IPCEF1: variants seen among roughly 807,000 people sequenced by gnomAD.
IPCEF1 encodes interactor protein for cytohesin exchange factors 1.
A neutral mutation model predicts 50.9 loss-of-function variants in IPCEF1; 31 were observed. The observed-to-expected ratio is 0.61, with a 90% CI of 0.46 to 0.82. IPCEF1 has a LOEUF of 0.82. Ranked by LOEUF, IPCEF1 falls within the 40% of genes least tolerant of loss-of-function variation. IPCEF1 has a pLI of 0.00. For missense variants in IPCEF1, 458 were observed against 514.0 expected, an observed-to-expected ratio of 0.89 and a Z score of 1.05; for synonymous variants, 181 against 192.0, an observed-to-expected ratio of 0.94 and a Z score of 0.47.
intron 1 of IPCEF1, among the ~76,000 whole-genome samples, chr6:154,351,125 C>T (rs1784112659): frequency 6.6e-6 from 1 of 152,228 alleles, no homozygotes; most frequent in Non-Finnish European, 1.5e-5. Flanking sequence ...AGGCAGGACA[C>T]TCAAGTCTCC....
At chr6:154,320,308 T>C (rs1262978916) in intron 1 of IPCEF1, among the ~76,000 whole-genome samples, 1 of 152,218 alleles carries the variant, frequency 6.6e-6, no homozygotes, top group East Asian at 1.9e-4. Context: ...TTCAAAACCT[T>C]GCCTTTTTCT....
In IPCEF1 at chr6:154,154,682, T is replaced by C. The variant is rs1274935793; in HGVS notation, c.*5146A>G. The C allele has an allele frequency of 6.6e-6, 1 of 152,358 alleles. No homozygotes were observed. Among genetic ancestry groups the C allele is most frequent in the Non-Finnish European group, 1.5e-5 (1 of 68,036 alleles). The allele number at this position is 152,358 out of a possible 1,614,324, so 9.4% of individuals were successfully genotyped here. On this transcript the variant is annotated 3_prime_UTR_variant, in exon 12 of 12. Coordinates refer to ENST00000367220, the MANE Select transcript of IPCEF1 (RefSeq NM_001130700.2). The stretch of plus-strand genomic sequence containing the variant: ...AGGACAAAAATGAACACCAGTAGTA[T>C]ATTTCAACTTTTTTTTCATGTCATT...
At chr6:154,325,221 A>T (rs940457952) in intron 1 of IPCEF1, among the ~76,000 whole-genome samples, 1 of 152,240 alleles carries the variant, frequency 6.6e-6, no homozygotes, top group African/African-American at 2.4e-5. Context: ...AGTGAAAAAA[A>T]TCAAAACATA....
chr6:154,219,908 G>T (rs1038436471), intron 7 of IPCEF1, among the ~76,000 whole-genome samples: 2 of 152,198 alleles, frequency 1.3e-5, no homozygotes, highest in African/African-American at 2.4e-5. Context: ...CATCTGGAGG[G>T]TGATGCTGGG....
intron 10 of IPCEF1, among the ~76,000 whole-genome samples, chr6:154,184,643 A>G (rs1801179090): frequency 1.3e-5 from 2 of 152,194 alleles, no homozygotes; most frequent in South Asian, 4.1e-4. Flanking sequence ...CATAGTGCCT[A>G]TAACAGATAT....
intron 1 of IPCEF1, among the ~76,000 whole-genome samples, chr6:154,303,385 C>G (rs534833354): frequency 6.6e-6 from 1 of 152,210 alleles, no homozygotes; most frequent in African/African-American, 2.4e-5. Context: ...CCACTGCACC[C>G]GGCCTATGAT....
At chr6:154,346,908 T>G (rs1376531839) in intron 1 of IPCEF1, among the ~76,000 whole-genome samples, 1 of 152,162 alleles carries the variant, frequency 6.6e-6, no homozygotes, top group African/African-American at 2.4e-5. Flanking sequence ...TCCAAGCATA[T>G]CCTCTCAAAA....
chr6:154,349,093 A>G (rs182121642), intron 1 of IPCEF1, among the ~76,000 whole-genome samples: 3 of 152,258 alleles, frequency 2.0e-5, no homozygotes, highest in Non-Finnish European at 4.4e-5. Flanking sequence ...TATATTCTTT[A>G]GGAGTGAATA....
At chr6:154,208,037 C>T (rs1353897245) in intron 9 of IPCEF1, among the ~76,000 whole-genome samples, 4 of 152,158 alleles carry the variant, frequency 2.6e-5, no homozygotes, top group African/African-American at 9.7e-5. Flanking sequence ...TTTTCTGATT[C>T]TATGCCTACC....
At position 154,313,518 on chromosome 6, in the gene IPCEF1, C is replaced by A. The variant is rs572233617; in HGVS notation, c.-61-23762G>T. 7.9e-5 allele frequency among the ~76,000 whole-genome samples: 12 copies of A among 152,164 alleles called. No individual in the cohort carries two copies. In the South Asian group the frequency reaches 1.5e-3, roughly 18 times the overall value. ...AGTCTATCCTACTGGATATTGGAAACCTTTTTCTTTACTACTTTTCTATAC... is the reference window on the plus strand; with the variant it reads ...AGTCTATCCTACTGGATATTGGAAAACTTTTTCTTTACTACTTTTCTATAC... On this transcript the variant is annotated intron_variant, in intron 1 of 11. Transcript: ENST00000367220.
At chr6:154,190,916 C>G (rs1032887048) in intron 10 of IPCEF1, among the ~76,000 whole-genome samples, 1 of 152,010 alleles carries the variant, frequency 6.6e-6, no homozygotes, top group African/African-American at 2.4e-5. Flanking sequence ...ATTAGCTGGG[C>G]GTGGTGGCAG....
intron 5 of IPCEF1, among the ~76,000 whole-genome samples, chr6:154,235,687 A>G (rs1196949216): frequency 2.0e-5 from 3 of 152,204 alleles, no homozygotes; most frequent in Non-Finnish European, 4.4e-5. Flanking sequence ...TTTCGTCTGT[A>G]CTATTAAAAT....
At chr6:154,293,400 T>G (rs974401675) in intron 1 of IPCEF1, among the ~76,000 whole-genome samples, 6 of 152,196 alleles carry the variant, frequency 3.9e-5, no homozygotes, top group Non-Finnish European at 8.8e-5. Context: ...GAAAATAGGC[T>G]GCAATTGTCC....
intron 2 of IPCEF1, among the ~76,000 whole-genome samples, chr6:154,288,477 C>T (rs746900013): frequency 2.6e-5 from 4 of 151,318 alleles, no homozygotes; most frequent in Non-Finnish European, 5.9e-5. Flanking sequence ...TCCTGGCCAA[C>T]ATGGTGAAAC....
intron 3 of IPCEF1, among the ~76,000 whole-genome samples, chr6:154,264,238 T>C (rs1349114717): frequency 6.6e-6 from 1 of 150,850 alleles, no homozygotes; most frequent in South Asian, 2.1e-4. Flanking sequence ...TGACTTCTTT[T>C]TTTTTAAAGA....
intron 9 of IPCEF1, among the ~76,000 whole-genome samples, chr6:154,208,203 G>T (rs1777659481): frequency 9.4e-6 from 1 of 106,188 alleles, no homozygotes; most frequent in South Asian, 3.0e-4. Flanking sequence ...CTATGCTTTG[G>T]CTTCATTTCC....
At chr6:154,171,471 C>T (rs1271182172) in intron 10 of IPCEF1, among the ~76,000 whole-genome samples, 1 of 151,766 alleles carries the variant, frequency 6.6e-6, no homozygotes, top group Non-Finnish European at 1.5e-5. Context: ...TGGGAGGGGA[C>T]AAGCAGGAGT....
At chr6:154,214,559 T>C (rs1226692371) in intron 7 of IPCEF1, among the ~76,000 whole-genome samples, 2 of 152,238 alleles carry the variant, frequency 1.3e-5, no homozygotes, top group Non-Finnish European at 2.9e-5. Flanking sequence ...CAAACACATC[T>C]TCTGTAATCC....
At chr6:154,243,140 A>G (rs538136953) in intron 5 of IPCEF1, among the ~76,000 whole-genome samples, 1 of 152,218 alleles carries the variant, frequency 6.6e-6, no homozygotes, top group Non-Finnish European at 1.5e-5. Flanking sequence ...AATTGAAAGA[A>G]GTGCCATCTT....
Sources: gnomAD v4.1 joint callset for allele counts (sites outside exome capture counted in the v4.1 genomes callset) on GRCh38, gnomAD v4.1.1 for gene constraint, MANE v1.5 for transcripts, NCBI Gene and HGNC (gene_info 2026-07-23, HGNC 2026-07-21) for gene names.